Variants in LTBP1 observed in about 807,000 individuals in gnomAD.
LTBP1 encodes latent transforming growth factor beta binding protein 1.
A neutral mutation model predicts 207.6 loss-of-function variants in LTBP1; 129 were observed. The observed-to-expected ratio is 0.62, with a 90% CI of 0.54 to 0.72. LTBP1 has a LOEUF of 0.72. Among genes scored for constraint, LTBP1 ranks in the 30% least tolerant of loss-of-function variants. LTBP1 has a pLI of 0.00. For synonymous variants in LTBP1, 963 were observed against 833.7 expected (o/e 1.16, Z -2.67); for missense variants, 2,281 against 2,217.2 (o/e 1.03, Z -0.58).
At chr2:32,976,732 G>A (rs775906596) in intron 2 of LTBP1, among the ~76,000 whole-genome samples, 6 of 152,120 alleles carry the variant, frequency 3.9e-5, no homozygotes, top group African/African-American at 1.4e-4. Flanking sequence ...TGGCACATAG[G>A]CCATATCCTT....
chr2:33,072,429 C>G (rs535318655), intron 3 of LTBP1, among the ~76,000 whole-genome samples: 1 of 152,304 alleles, frequency 6.6e-6, no homozygotes, highest in South Asian at 2.1e-4. Context: ...CTCAGCCTCT[C>G]TGTGCAGCAT....
At chr2:33,081,585 C>T (rs557712166) in intron 3 of LTBP1, among the ~76,000 whole-genome samples, 10 of 152,118 alleles carry the variant, frequency 6.6e-5, no homozygotes, top group South Asian at 4.2e-4. Flanking sequence ...GATTTGTTAG[C>T]ACGTTGGTTC....
At position 33,182,697 on chromosome 2, in the gene LTBP1, T is replaced by TACACAC. The variant is rs1286844023; in HGVS notation, c.1202-4158_1202-4157insCACACA. Among the ~76,000 whole-genome samples the TACACAC allele has an allele frequency of 1.6e-3, 143 of 87,866 alleles. 9 individuals are homozygous for TACACAC. The highest frequency in any genetic ancestry group is 6.5e-3 in the African/African-American group (137 of 21,156). 57.6% of individuals were successfully genotyped at this position (87,866 alleles called of 152,430 possible). A position where few individuals can be genotyped will look rare whatever the true frequency, so the allele number is the denominator to read the frequency against. On this transcript the variant is annotated intron_variant, in intron 5 of 33. Coordinates refer to ENST00000404816, the MANE Select transcript of LTBP1 (RefSeq NM_206943.4). Reference sequence around the variant, plus strand: ...AGAAGAAAAGATGGTGATATATATATATACACACACACACACACACACACA... The same window carrying TACACAC: ...AGAAGAAAAGATGGTGATATATATATACACACATACACACACACACACACACACACA...
At chr2:33,092,760 G>T (rs2079171083) in intron 3 of LTBP1, among the ~76,000 whole-genome samples, 2 of 152,158 alleles carry the variant, frequency 1.3e-5, no homozygotes, top group African/African-American at 4.8e-5. Flanking sequence ...TCTCCCCATT[G>T]CTCTCGAACT....
At chr2:33,114,410 T>C (rs1461037696) in intron 4 of LTBP1, among the ~76,000 whole-genome samples, 2 of 152,218 alleles carry the variant, frequency 1.3e-5, no homozygotes, top group Non-Finnish European at 2.9e-5. Flanking sequence ...TCATGGGCTA[T>C]AGTTTGCCAA....
chr2:33,007,214 C>G (rs1363890169), intron 2 of LTBP1, among the ~76,000 whole-genome samples: 1 of 152,156 alleles, frequency 6.6e-6, no homozygotes, highest in Non-Finnish European at 1.5e-5. Context: ...CTCGTGACCT[C>G]AAGTGATCCG....
chr2:33,314,452 G>A (rs193185965), intron 23 of LTBP1, among the ~76,000 whole-genome samples: 2 of 152,280 alleles, frequency 1.3e-5, no homozygotes, highest in South Asian at 2.1e-4. Flanking sequence ...GAGAGGCTGA[G>A]GAGAGAGGAT....
At chr2:33,205,903 A>C (rs918266217) in intron 7 of LTBP1, among the ~76,000 whole-genome samples, 1 of 152,190 alleles carries the variant, frequency 6.6e-6, no homozygotes, top group Non-Finnish European at 1.5e-5. Context: ...CCATGTGAGC[A>C]CACAGCCAGA....
chr2:33,340,575 C>T (rs1445885493), intron 24 of LTBP1, among the ~76,000 whole-genome samples: 2 of 152,104 alleles, frequency 1.3e-5, no homozygotes, highest in East Asian at 3.9e-4. Context: ...GGAAGATGAT[C>T]ATGAGATTTA....
intron 3 of LTBP1, among the ~76,000 whole-genome samples, chr2:33,073,334 G>GA (rs1298242321): frequency 7.2e-6 from 1 of 139,474 alleles, no homozygotes. Context: ...ATTTTTCTTT[G>GA]ACTATAAAGG....
intron 24 of LTBP1, among the ~76,000 whole-genome samples, chr2:33,341,729 A>AAAAATATATATATATATAT (rs745445793): frequency 6.4e-4 from 60 of 93,608 alleles, no homozygotes; most frequent in East Asian, 6.2e-3. Context: ...AAAAAAAAAA[A>AAAAATATATATATATATAT]ATATATATAT....
chr2:33,059,378 A>G (rs2149604024), intron 3 of LTBP1, among the ~76,000 whole-genome samples: 1 of 152,366 alleles, frequency 6.6e-6, no homozygotes, highest in South Asian at 2.1e-4. Context: ...CCCAGTAATG[A>G]GACCCATAAA....
At chr2:33,207,349 C>T (rs1349251914) in intron 7 of LTBP1, among the ~76,000 whole-genome samples, 1 of 151,398 alleles carries the variant, frequency 6.6e-6, no homozygotes, top group African/African-American at 2.5e-5. Context: ...TGTCAGAAAT[C>T]GATGTGGATA....
chr2:33,348,854 AC>A (rs1381074017), intron 26 of LTBP1, among the ~76,000 whole-genome samples: 4 of 152,222 alleles, frequency 2.6e-5, no homozygotes, highest in Non-Finnish European at 4.4e-5. Flanking sequence ...CGAACCAATA[AC>A]TAATTGAGCT....
At chr2:33,368,902 C>T (rs2095032864) in intron 31 of LTBP1, among the ~76,000 whole-genome samples, 1 of 151,988 alleles carries the variant, frequency 6.6e-6, no homozygotes, top group Admixed American at 6.6e-5. Context: ...ATTATACCCC[C>T]AAAATACTGT....
At chr2:33,342,793 A>G in intron 24 of LTBP1, 45 bp from the exon 25 acceptor site, 3 of 1,599,834 alleles carry the variant, frequency 1.9e-6, no homozygotes, top group Non-Finnish European at 2.6e-6. Context: ...GGTGTTTGTC[A>G]GCCTGTGTTT....
At chr2:33,012,083 C>T (rs961444831) in intron 2 of LTBP1, among the ~76,000 whole-genome samples, 1 of 152,134 alleles carries the variant, frequency 6.6e-6, no homozygotes, top group South Asian at 2.1e-4. Flanking sequence ...TGTGGGGTCT[C>T]CCTGGCTGGG....
chr2:33,124,652 A>G (rs1278460553), intron 4 of LTBP1, among the ~76,000 whole-genome samples: 1 of 152,186 alleles, frequency 6.6e-6, no homozygotes, highest in Non-Finnish European at 1.5e-5. Flanking sequence ...GTGGTTATAG[A>G]TTTTGCTGTG....
At chr2:33,077,126 C>A (rs1055431441) in intron 3 of LTBP1, among the ~76,000 whole-genome samples, 1 of 152,134 alleles carries the variant, frequency 6.6e-6, no homozygotes, top group Non-Finnish European at 1.5e-5. Context: ...GAGGGCCACA[C>A]GGCTATGGAG....
Sources: allele counts gnomAD v4.1 joint callset (sites outside exome capture counted in the v4.1 genomes callset), GRCh38; gene constraint gnomAD v4.1.1; transcripts MANE v1.5; gene names NCBI Gene and HGNC (gene_info 2026-07-23, HGNC 2026-07-21).